The following WDR87 variants were observed in gnomAD, a reference collection of about 807,000 sequenced individuals.
WDR87 encodes WD repeat domain 87.
In WDR87, 56 loss-of-function variants were observed where a neutral mutation model predicts 83.3. That is an observed-to-expected ratio of 0.67 (90% confidence interval 0.54 to 0.84). The LOEUF (loss-of-function observed/expected upper bound fraction) is 0.84. WDR87 is among the 40% of genes least tolerant of loss of function. WDR87 has a pLI of 0.00. For missense variants in WDR87, 2,939 were observed against 3,431.9 expected (o/e 0.86, Z 3.59); for synonymous variants, 1,173 against 1,250.6 (o/e 0.94, Z 1.31).
intron 4 of WDR87, among the ~76,000 whole-genome samples, 186 bp downstream of exon 4, chr19:37,892,392 A>AAGGAAGAGGAGG (rs1409467421): frequency 6.6e-6 from 1 of 152,280 alleles, no homozygotes; most frequent in Non-Finnish European, 1.5e-5. Context: ...TCAAAAAAAG[A>AAGGAAGAGGAGG]AGGAAGAGGA....
rs368083253 is a variant in WDR87 at position 37,892,744 on chromosome 19, G to T, written c.2959C>A (p.Leu987Ile). The change falls in exon 4 of 6, where the codon CTA becomes ATA. Residue 987 changes from leucine (L) to isoleucine (I), a missense_variant. Coordinates refer to ENST00000447313, the MANE Select transcript of WDR87 (RefSeq NM_001291088.2). ...GCAAAAAGATGAGTAATCATTCCTA[G>T]ACGCTTCAGCCCTTCCCAAGCTAGT... ...RELAWEGLKR[L>I]GMITHLFAMP... 2 of 1,551,752 alleles carry T rather than the reference G, an allele frequency of 1.3e-6. No homozygotes were observed. Among genetic ancestry groups the T allele is most frequent in the Non-Finnish European group, 1.7e-6 (2 of 1,147,014 alleles).
At position 37,892,998 on chromosome 19, in the gene WDR87, T is replaced by C; in HGVS notation, c.2705A>G (p.Asp902Gly). ...TCCCAGCCAACTTCGGTTTGCTCCA[T>C]CTGTAAGGACACTGTAGGTTACATC... ...SKDVTYSVLT[D>G]GANRSWLGRK... Residue 902 changes from aspartate to glycine, a missense_variant, in exon 4 of 6, where the codon GAT becomes GGT. Around this residue, in one of 3 missense-constraint regions of WDR87, gnomAD observed 2,160 missense variants for 2,533.1 expected, o/e 0.85. Transcript: ENST00000447313. 6.4e-7 allele frequency: 1 copy of C among 1,551,886 alleles called. No homozygotes were observed. Among genetic ancestry groups the C allele is most frequent in the African/African-American group, 1.4e-5 (1 of 73,174 alleles).
rs1360298052 is a variant in WDR87, at chr19:37,894,656, G to A, written c.1047C>T (p.His349=). ...FCQTAHSFSL[H]RLPCFYSLFN... is the part of the protein sequence containing the mutation. ...AGAGGCTGTAGAAGCAGGGCAGGCGGTGCAAGGAAAAACTATGGGCAGTTT... is the reference window on the plus strand; with the variant it reads ...AGAGGCTGTAGAAGCAGGGCAGGCGATGCAAGGAAAAACTATGGGCAGTTT... Residue 349 remains histidine, a synonymous_variant, in exon 4 of 6, where the codon CAC becomes CAT. Coordinates refer to ENST00000447313, the MANE Select transcript of WDR87 (RefSeq NM_001291088.2). 1.2e-5 allele frequency: 19 copies of A among 1,551,620 alleles called. No individual in the cohort carries two copies. Among genetic ancestry groups the A allele is most frequent in the Non-Finnish European group, 1.7e-5 (19 of 1,147,022 alleles).
Position 37,893,062 on chromosome 19 carries a change from C to T in WDR87, c.2641G>A (p.Glu881Lys), listed in dbSNP as rs1218212675. ...ISNTEYPKNK[E>K]EDEHFLEMRL... ...ATTTCTAGGAAGTGTTCATCCTCCTCCTTATTCTTTGGATATTCTGTATTA... is the reference window on the plus strand; with the variant it reads ...ATTTCTAGGAAGTGTTCATCCTCCTTCTTATTCTTTGGATATTCTGTATTA... The change falls in exon 4 of 6, where the codon GAG (glutamate) becomes AAG (lysine). Residue 881 changes from glutamate to lysine, a missense_variant. By Grantham distance (56) the Glu-to-Lys change is moderately conservative (BLOSUM62 1). This residue lies in a region of WDR87 where 2,160 missense variants were observed against 2,533.1 expected (regional missense o/e 0.85). Coordinates refer to ENST00000447313, the MANE Select transcript of WDR87 (RefSeq NM_001291088.2). 1 of 1,551,636 alleles carries T rather than the reference C, an allele frequency of 6.4e-7. No homozygotes were observed. The highest frequency in any genetic ancestry group is 1.4e-5 in the African/African-American group (1 of 73,056).
intron 5 of WDR87, among the ~76,000 whole-genome samples, chr19:37,891,220 G>C (rs2046202397): frequency 6.7e-6 from 1 of 148,254 alleles, no homozygotes; most frequent in Non-Finnish European, 1.5e-5. Flanking sequence ...CTGGAGTGCA[G>C]TGGCACCATC....
Position 37,895,476 on chromosome 19 carries a change from A to G in WDR87, c.247-20T>C. ...TACAGCCTAGAAGAGAATAAGAAGGAAACTGCCTAGGCCGGGTGAGGTGGT... is the reference window on the plus strand; with the variant it reads ...TACAGCCTAGAAGAGAATAAGAAGGGAACTGCCTAGGCCGGGTGAGGTGGT... On this transcript the variant is annotated intron_variant, in intron 3 of 5. Coordinates refer to ENST00000447313, the MANE Select transcript of WDR87 (RefSeq NM_001291088.2). The G allele has an allele frequency of 1.3e-6, 2 of 1,543,656 alleles. No individual in the cohort carries two copies. The highest frequency in any genetic ancestry group is 1.8e-6 in the Non-Finnish European group (2 of 1,142,300).
chr19:37,896,457 A>C, intron 2 of WDR87, 149 bp from the exon 3 acceptor site: 2 of 765,032 alleles, frequency 2.6e-6, no homozygotes, highest in Non-Finnish European at 4.1e-6. Context: ...ATAACTTATC[A>C]CCTGTGGCAC....
chr19:37,891,475 T>G, intron 5 of WDR87, 77 bp downstream of exon 5: 1 of 1,494,156 alleles, frequency 6.7e-7, no homozygotes. Context: ...CCACCTAGTA[T>G]CTCTTGATCC....
intron 1 of WDR87, among the ~76,000 whole-genome samples, chr19:37,901,657 A>G (rs973501190): frequency 3.3e-5 from 5 of 152,064 alleles, no homozygotes; most frequent in African/African-American, 1.2e-4. Flanking sequence ...GAATATTTCT[A>G]GGTGATGAGT....
Position 37,888,926 on chromosome 19 carries a change from T to C in WDR87, c.4745A>G (p.Glu1582Gly). The C allele has an allele frequency of 6.4e-7, 1 of 1,552,278 alleles. No individual in the cohort carries two copies. Among genetic ancestry groups the C allele is most frequent in the Non-Finnish European group, 8.7e-7 (1 of 1,147,128 alleles). The change falls in exon 6 of 6, where the codon GAA becomes GGA. Residue 1582 changes from glutamate to glycine, a missense_variant. Transcript: ENST00000447313. ...AGACACTTCTTCCTCCAAAGTCACT[T>C]CTTCCTCATCCTTGTACTGTTGCTC... is the stretch of plus-strand genomic sequence containing the variant. ...SKEQQYKDEE[E>G]VTLEEEVSRE...
Position 37,887,441 on chromosome 19 carries a change from A to T in WDR87, c.6230T>A (p.Phe2077Tyr), listed in dbSNP as rs572344142. The T allele has an allele frequency of 1.9e-4, 292 of 1,551,498 alleles. 2 individuals carry two copies. The South Asian group carries it at 3.3e-3, about 17-fold the overall frequency. ...GACAAATATTCTCTGTCCTCTAGTA[A>T]ATTCCAGTTTTCCTTTGGCAATTTC... ...ESEIAKGKLE[F>Y]TRGQRIFVQG... The change falls in exon 6 of 6, where the codon TTT becomes TAT. Residue 2077 changes from phenylalanine (F) to tyrosine (Y), a missense_variant. Physicochemically the swap from Phe to Tyr is conservative, Grantham distance 22. Around this residue, in one of 3 missense-constraint regions of WDR87, gnomAD observed 2,160 missense variants for 2,533.1 expected, o/e 0.85. Coordinates refer to ENST00000447313, the MANE Select transcript of WDR87 (RefSeq NM_001291088.2).
chr19:37,892,943 G>C lies in WDR87; in HGVS notation c.2760C>G (p.Ser920Arg), dbSNP rs1197557747. The change falls in exon 4 of 6, where the codon AGC (serine) becomes AGG (arginine). Residue 920 changes from serine (S) to arginine (R), a missense_variant. Transcript: ENST00000447313. ...GRKMSEITIN[S>R]MIETMLNIMV... The stretch of plus-strand genomic sequence containing the variant: ...TAATATTGAGCATTGTCTCAATCAT[G>C]CTATTAATGGTTATTTCACTCATCT... The C allele has an allele frequency of 6.4e-7, 1 of 1,551,916 alleles. No individual in the cohort carries two copies. The highest frequency in any genetic ancestry group is 8.7e-7 in the Non-Finnish European group (1 of 1,147,078).
At chr19:37,902,601 C>A (rs2046300075) in intron 1 of WDR87, among the ~76,000 whole-genome samples, 3 of 152,204 alleles carry the variant, frequency 2.0e-5, no homozygotes, top group South Asian at 4.1e-4. Context: ...GTATTTGGGA[C>A]CAACGCATGT....
In WDR87 at chr19:37,893,482, CAAT is replaced by C; in HGVS notation, c.2218_2220del (p.Ile740del). On this transcript the variant is annotated inframe_deletion, in exon 4 of 6. Transcript: ENST00000447313. ...ACATGTGGCACAGAATGGTCAAAGGCAATGGCCCGGTTGTTGACAAGTTTCTCC... is the reference window on the plus strand; with the variant it reads ...ACATGTGGCACAGAATGGTCAAAGGCGGCCCGGTTGTTGACAAGTTTCTCC... 1.3e-6 allele frequency: 2 copies of C among 1,551,946 alleles called. No individual in the cohort carries two copies. The highest frequency in any genetic ancestry group is 1.7e-6 in the Non-Finnish European group (2 of 1,147,062).
At position 37,886,485 on chromosome 19, in the gene WDR87, T is replaced by C; in HGVS notation, c.7186A>G (p.Arg2396Gly). The change falls in exon 6 of 6, where the codon AGA becomes GGA. Residue 2396 changes from arginine to glycine, a missense_variant. By Grantham distance (125) the Arg-to-Gly change is moderately radical. Coordinates refer to ENST00000447313, the MANE Select transcript of WDR87 (RefSeq NM_001291088.2). ...CTTTCCCTTCCTCTTAGGCTCTTTC[T>C]TCTTTGTTCTTGTAACTTAAATTGT... ...EKQFKLQEQR[R>G]KSLRGRERVL... 1 of 1,514,764 alleles carries C rather than the reference T, an allele frequency of 6.6e-7. No homozygotes were observed. The highest frequency in any genetic ancestry group is 2.5e-5 in the East Asian group (1 of 40,686). 93.8% of individuals were successfully genotyped at this position (1,514,764 alleles called of 1,614,324 possible). A position where few individuals can be genotyped will look rare whatever the true frequency, so the allele number is the denominator to read the frequency against.
intron 4 of WDR87, 36 bp downstream of exon 4, chr19:37,892,542 G>C: frequency 6.9e-7 from 1 of 1,442,586 alleles, no homozygotes; most frequent in South Asian, 1.5e-5. Context: ...GGAAAATGGC[G>C]AATGGGGTGA....
chr19:37,885,462 T>TA lies in WDR87; in HGVS notation c.8208dup (p.Lys2737Ter). On this transcript the variant is annotated frameshift_variant, in exon 6 of 6. Coordinates refer to ENST00000447313, the MANE Select transcript of WDR87 (RefSeq NM_001291088.2). LOFTEE classifies it low-confidence loss of function (END_TRUNC). ...AGTTTAGGAAACCTGCGTTTATCCT[T>TA]AAAATCCCAGAAGTCCTTTTGAAAC... is the stretch of plus-strand genomic sequence containing the variant. The TA allele has an allele frequency of 6.4e-7, 1 of 1,551,654 alleles. No individual in the cohort carries two copies. Among genetic ancestry groups the TA allele is most frequent in the South Asian group, 1.2e-5 (1 of 84,062 alleles).
In WDR87 at chr19:37,893,619, A is replaced by T; in HGVS notation, c.2084T>A (p.Val695Glu). ...TATGAAAGGCTTAGGGACTTCCAGT[A>T]CTTCATCTGATATGCTCATAAAGGA... is the stretch of plus-strand genomic sequence containing the variant. ...RLSFMSISDE[V>E]LEVPKPFIPS... The change falls in exon 4 of 6, where the codon GTA becomes GAA. Residue 695 changes from valine (V) to glutamate (E), a missense_variant. Val to Glu is a moderately radical substitution (Grantham distance 121). Transcript: ENST00000447313. 1 of 1,552,140 alleles carries T rather than the reference A, an allele frequency of 6.4e-7. No homozygotes were observed. Among genetic ancestry groups the T allele is most frequent in the Non-Finnish European group, 8.7e-7 (1 of 1,147,076 alleles).
In WDR87 at chr19:37,893,785, T is replaced by C. The variant is rs571385052; in HGVS notation, c.1918A>G (p.Ile640Val). The C allele has an allele frequency of 6.4e-7, 1 of 1,551,652 alleles. No homozygotes were observed. Among genetic ancestry groups the C allele is most frequent in the Admixed American group, 2.0e-5 (1 of 50,998 alleles). ...TGCAGTGATGAGTCCAGAATGCCTA[T>C]GAGTCTGCCATGGAAGTCCCAGATC... ...VRIWDFHGRL[I>V]GILDSSLHFG... The change falls in exon 4 of 6, where the codon ATA becomes GTA. Residue 640 changes from isoleucine (I) to valine (V), a missense_variant. Transcript: ENST00000447313.
Sources: allele counts gnomAD v4.1 joint callset (sites outside exome capture counted in the v4.1 genomes callset), GRCh38; gene constraint gnomAD v4.1.1; regional missense constraint gnomAD v4.1.1; transcripts MANE v1.5; gene names NCBI Gene and HGNC (gene_info 2026-07-23, HGNC 2026-07-21).